The following NAV1 variants were observed in gnomAD, a reference collection of about 807,000 sequenced individuals.
The protein encoded by NAV1 is neuron navigator 1, also known as pore membrane and/or filament interacting like protein 3.
NAV1 carries 18 observed loss-of-function variants against 175.2 expected under a neutral mutation model. That is an observed-to-expected ratio of 0.10 (90% CI 0.07 to 0.15). The LOEUF is 0.15. NAV1 is among the 10% of genes least tolerant of loss of function. The pLI is 1.00. For missense variants in NAV1, 1,731 were observed against 2,436.6 expected, an observed-to-expected ratio of 0.71 and a Z score of 6.10; for synonymous variants, 897 against 978.7, an observed-to-expected ratio of 0.92 and a Z score of 1.56.
intron 2 of NAV1, among the ~76,000 whole-genome samples, chr1:201,633,984 G>A (rs1025419963): frequency 3.3e-5 from 5 of 152,118 alleles, no homozygotes; most frequent in African/African-American, 2.4e-5. Context: ...AGCAGCAGCC[G>A]ACACTTACCG....
upstream of NAV1, among the ~76,000 whole-genome samples, chr1:201,643,576 C>A (rs887783159): frequency 4.6e-5 from 7 of 151,970 alleles, no homozygotes; most frequent in African/African-American, 1.7e-4. Context: ...TATCGCCCAG[C>A]TAATTTTTGT....
At chr1:201,728,145 A>G (rs966066678) in intron 3 of NAV1, among the ~76,000 whole-genome samples, 1 of 151,938 alleles carries the variant, frequency 6.6e-6, no homozygotes, top group African/African-American at 2.4e-5. Context: ...TTTTTGAGAC[A>G]GGATCTCACT....
At chr1:201,786,544 T>C (rs371822596) in exon 9 of NAV1, 1 of 1,613,868 alleles carries the variant, frequency 6.2e-7, no homozygotes, top group South Asian at 1.1e-5. Flanking sequence ...ACTTCCCATG[T>C]CTCTGAGTGC....
intron 1 of NAV1, among the ~76,000 whole-genome samples, chr1:201,558,197 T>A (rs1190632553): frequency 6.6e-6 from 1 of 152,202 alleles, no homozygotes; most frequent in East Asian, 1.9e-4. Flanking sequence ...TTAACGTGCA[T>A]AAGCTCATGG....
intron 2 of NAV1, among the ~76,000 whole-genome samples, chr1:201,713,982 G>C (rs2102473907): frequency 6.6e-6 from 1 of 152,242 alleles, no homozygotes; most frequent in East Asian, 1.9e-4. Context: ...AAAATATTTT[G>C]TTATTATTTT....
At chr1:201,756,785 T>C (rs1674485754) in intron 3 of NAV1, among the ~76,000 whole-genome samples, 1 of 151,882 alleles carries the variant, frequency 6.6e-6, no homozygotes, top group African/African-American at 2.4e-5. Flanking sequence ...AAAGAACTAA[T>C]GAGCAATTCT....
intron 1 of NAV1, among the ~76,000 whole-genome samples, chr1:201,570,690 A>C (rs1666510035): frequency 6.6e-6 from 1 of 152,162 alleles, no homozygotes; most frequent in Admixed American, 6.5e-5. Context: ...GGTATGGGGG[A>C]AGCCCAGCAG....
chr1:201,627,982 T>C (rs1668382987), intron 1 of NAV1, among the ~76,000 whole-genome samples: 1 of 151,390 alleles, frequency 6.6e-6, no homozygotes, highest in African/African-American at 2.4e-5. Flanking sequence ...CTACAAAAAA[T>C]ATGAAAATCA....
At chr1:201,674,391 T>C (rs490746) in intron 1 of NAV1, among the ~76,000 whole-genome samples, 1 of 136,258 alleles carries the variant, frequency 7.3e-6, no homozygotes, top group African/African-American at 2.9e-5. Flanking sequence ...GAGTGTGTGT[T>C]GGGGGGGGTT....
intron 1 of NAV1, among the ~76,000 whole-genome samples, chr1:201,569,257 G>A (rs1666458866): frequency 6.6e-6 from 1 of 152,168 alleles, no homozygotes; most frequent in Non-Finnish European, 1.5e-5. Context: ...CTTCACTCCA[G>A]TGCAAGTCAG....
intron 1 of NAV1, among the ~76,000 whole-genome samples, chr1:201,580,408 A>T (rs929585782): frequency 2.6e-5 from 4 of 151,968 alleles, no homozygotes; most frequent in Admixed American, 1.3e-4. Flanking sequence ...GACAAATAAA[A>T]TTTTTTTTTG....
At chr1:201,569,360 C>T (rs367834903) in intron 1 of NAV1, among the ~76,000 whole-genome samples, 1 of 152,144 alleles carries the variant, frequency 6.6e-6, no homozygotes, top group East Asian at 1.9e-4. Flanking sequence ...GAGCTAGCTT[C>T]GATTTATGAA....
upstream of NAV1, among the ~76,000 whole-genome samples, chr1:201,646,259 A>G (rs975942007): frequency 3.3e-5 from 5 of 152,254 alleles, no homozygotes; most frequent in African/African-American, 9.6e-5. Flanking sequence ...TCCACCCCTG[A>G]GTTTCCTAAT....
chr1:201,730,569 G>A (rs917928487), intron 3 of NAV1, among the ~76,000 whole-genome samples: 3 of 152,134 alleles, frequency 2.0e-5, no homozygotes, highest in African/African-American at 4.8e-5. Context: ...GTTTCCCCTC[G>A]ACACCTAGCA....
rs116101884 is a variant in NAV1 at position 201,808,018 on chromosome 1, G to A, written c.3714G>A (p.Ser1238=). The A allele has an allele frequency of 3.9e-4, 629 of 1,614,022 alleles. 3 individuals carry two copies. The African/African-American group carries it at 6.7e-3, about 17-fold the overall frequency. The change falls in exon 18 of 30, where the codon TCG becomes TCA. Residue 1238 remains serine, a synonymous_variant. Transcript: ENST00000367296. The surrounding 1 kb of genome is among the most constrained non-coding windows in gnomAD (Gnocchi z 5.5). ...GGCCCAAGTCAGCTTCCTCATACTC[G>A]GATATAGAGGAGATTGCTACACCCG...
At position 201,785,358 on chromosome 1, in the gene NAV1, C is replaced by T; in HGVS notation, c.2846+7C>T. ...TTCCCAAGAAAGGGCTCAGGTAACC[C>T]TTTAATGTGTTTTTTCTTCCCTATA... On this transcript the variant is annotated splice_region_variant and intron_variant, in intron 8 of 29. Coordinates refer to ENST00000367296, the Ensembl canonical transcript of NAV1. 1.2e-6 allele frequency: 2 copies of T among 1,611,818 alleles called. No individual in the cohort carries two copies. Among genetic ancestry groups the T allele is most frequent in the Non-Finnish European group, 1.7e-6 (2 of 1,179,410 alleles).
intron 2 of NAV1, among the ~76,000 whole-genome samples, chr1:201,606,912 C>T (rs1052130389): frequency 2.0e-5 from 3 of 152,204 alleles, no homozygotes; most frequent in Non-Finnish European, 4.4e-5. Context: ...TTTTGACAAG[C>T]AATCTGCAAT....
intron 2 of NAV1, among the ~76,000 whole-genome samples, chr1:201,598,833 T>A (rs1667435143): frequency 6.6e-6 from 1 of 152,108 alleles, no homozygotes; most frequent in South Asian, 2.1e-4. Context: ...AGTCTTCAGT[T>A]TGGGGACAGA....
At chr1:201,592,213 T>C (rs1361801781) in intron 2 of NAV1, among the ~76,000 whole-genome samples, 1 of 152,150 alleles carries the variant, frequency 6.6e-6, no homozygotes, top group Non-Finnish European at 1.5e-5. Context: ...TCTCACTGCC[T>C]CCCGCTAGCA....
Sources: allele counts gnomAD v4.1 joint callset (sites outside exome capture counted in the v4.1 genomes callset), GRCh38; gene constraint gnomAD v4.1.1; non-coding constraint Gnocchi (gnomAD v3.1); transcripts MANE v1.5; gene names NCBI Gene and HGNC (gene_info 2026-07-23, HGNC 2026-07-21).